MAGI2: variants seen among roughly 807,000 people sequenced by gnomAD.
The protein encoded by MAGI2 is membrane associated guanylate kinase, WW and PDZ domain containing 2.
Under a neutral mutation model 133.3 loss-of-function variants are expected in MAGI2, and 35 were observed. The observed-to-expected ratio is 0.26, with a 90% confidence interval of 0.20 to 0.35. The LOEUF is 0.35. Among genes scored for constraint, MAGI2 ranks in the 10% least tolerant of loss-of-function variants. The pLI is 1.00. For synonymous variants in MAGI2, 729 were observed against 710.6 expected, an observed-to-expected ratio of 1.03 and a Z score of -0.41; for missense variants, 1,636 against 1,863.4, an observed-to-expected ratio of 0.88 and a Z score of 2.25.
intron 20 of MAGI2, among the ~76,000 whole-genome samples, chr7:78,083,414 G>GAC (rs1816255378): frequency 6.8e-6 from 1 of 147,602 alleles, no homozygotes; most frequent in Non-Finnish European, 1.5e-5. Flanking sequence ...GAGAGAGAGA[G>GAC]AGAGAGAGAG....
intron 2 of MAGI2, among the ~76,000 whole-genome samples, chr7:78,764,616 T>C (rs1824829501): frequency 6.6e-6 from 1 of 152,204 alleles, no homozygotes; most frequent in African/African-American, 2.4e-5. Context: ...TTATTGGTCA[T>C]AGTTTGCTTG....
chr7:78,309,305 G>A (rs754269313), intron 9 of MAGI2, among the ~76,000 whole-genome samples: 6 of 152,136 alleles, frequency 3.9e-5, no homozygotes, highest in Admixed American at 6.5e-5. Flanking sequence ...CATCAACAGT[G>A]GTTTGGATAA....
At chr7:78,722,929 T>C (rs1253894970) in intron 2 of MAGI2, among the ~76,000 whole-genome samples, 2 of 152,032 alleles carry the variant, frequency 1.3e-5, no homozygotes, top group African/African-American at 4.8e-5. Flanking sequence ...AATATAATCA[T>C]AGAATTATAG....
intron 6 of MAGI2, among the ~76,000 whole-genome samples, chr7:78,396,753 C>A (rs891123968): frequency 6.6e-6 from 1 of 151,996 alleles, no homozygotes; most frequent in Non-Finnish European, 1.5e-5. Flanking sequence ...ATATAAAATG[C>A]TATAAAATGA....
chr7:78,511,147 T>C (rs2150556353), intron 4 of MAGI2, among the ~76,000 whole-genome samples: 1 of 152,318 alleles, frequency 6.6e-6, no homozygotes, highest in Admixed American at 6.5e-5. Context: ...AACTACAGGC[T>C]CTTGTAAATA....
chr7:79,437,871 T>C (rs1848249523), intron 1 of MAGI2, among the ~76,000 whole-genome samples: 1 of 152,170 alleles, frequency 6.6e-6, no homozygotes, highest in Non-Finnish European at 1.5e-5. Context: ...TCTGTATATA[T>C]GATGAATCAA....
intron 20 of MAGI2, among the ~76,000 whole-genome samples, chr7:78,106,010 CCT>C (rs1304675047): frequency 6.6e-6 from 1 of 152,000 alleles, no homozygotes; most frequent in Non-Finnish European, 1.5e-5. Flanking sequence ...CCCCCTTCTG[CCT>C]GCTTCACTTC....
intron 2 of MAGI2, among the ~76,000 whole-genome samples, chr7:78,858,950 G>C (rs1032217392): frequency 6.6e-6 from 1 of 152,140 alleles, no homozygotes; most frequent in Non-Finnish European, 1.5e-5. Flanking sequence ...ATTTAGGATA[G>C]TTAGCTCTTC....
intron 7 of MAGI2, among the ~76,000 whole-genome samples, chr7:78,360,077 TA>T (rs1277163082): frequency 6.6e-6 from 1 of 152,218 alleles, no homozygotes; most frequent in Non-Finnish European, 1.5e-5. Flanking sequence ...TAATGTATTT[TA>T]CCCAGTTAGG....
intron 9 of MAGI2, among the ~76,000 whole-genome samples, chr7:78,306,312 C>G (rs1409244245): frequency 6.6e-6 from 1 of 152,132 alleles, no homozygotes; most frequent in Non-Finnish European, 1.5e-5. Context: ...CAAAGCATGT[C>G]AGATGGTATA....
chr7:78,075,216 G>A (rs1158695456), intron 21 of MAGI2, among the ~76,000 whole-genome samples: 3 of 152,064 alleles, frequency 2.0e-5, no homozygotes, highest in South Asian at 2.1e-4. Flanking sequence ...TCACACATAC[G>A]TTGCTGCATT....
intron 1 of MAGI2, among the ~76,000 whole-genome samples, chr7:79,359,297 T>C (rs2129120322): frequency 6.6e-6 from 1 of 152,078 alleles, no homozygotes; most frequent in Non-Finnish European, 1.5e-5. Flanking sequence ...CATCCAAAAC[T>C]AAACAGTAGA....
intron 2 of MAGI2, among the ~76,000 whole-genome samples, chr7:78,655,572 C>T (rs564309901): frequency 7.3e-6 from 1 of 136,358 alleles, no homozygotes; most frequent in South Asian, 2.4e-4. Context: ...GGCGGCATCA[C>T]CAGAAGGGAA....
intron 6 of MAGI2, chr7:78,487,517 G>C (rs565678969): frequency 2.0e-5 from 3 of 152,130 alleles, no homozygotes; most frequent in African/African-American, 7.2e-5. Flanking sequence ...CACAGTGAGC[G>C]CAAAGAAACT....
chr7:78,870,835 G>A (rs1182245247), intron 2 of MAGI2, among the ~76,000 whole-genome samples: 6 of 152,002 alleles, frequency 3.9e-5, no homozygotes, highest in East Asian at 1.9e-4. Flanking sequence ...AAGAAAATAC[G>A]GTATATATAC....
chr7:78,935,818 T>C (rs114937659), intron 2 of MAGI2, among the ~76,000 whole-genome samples: 1,673 of 152,156 alleles, frequency 0.011, 21 homozygotes, highest in African/African-American at 0.031. Flanking sequence ...AGGAGACCAT[T>C]AGCTTTGAGT....
At chr7:78,089,335 C>T (rs1030772548) in intron 20 of MAGI2, among the ~76,000 whole-genome samples, 1 of 152,164 alleles carries the variant, frequency 6.6e-6, no homozygotes, top group Non-Finnish European at 1.5e-5. Flanking sequence ...AGCCATCATT[C>T]CCCCAGAGTA....
chr7:78,963,422 T>A (rs148907406), intron 2 of MAGI2, among the ~76,000 whole-genome samples: 42 of 152,184 alleles, frequency 2.8e-4, no homozygotes, highest in African/African-American at 9.6e-4. Flanking sequence ...AAAATAAACA[T>A]CCTCAAAACA....
At chr7:79,133,092 G>A (rs1234356732) in intron 1 of MAGI2, among the ~76,000 whole-genome samples, 2 of 152,090 alleles carry the variant, frequency 1.3e-5, no homozygotes, top group African/African-American at 4.8e-5. Context: ...CTTCCTTTCT[G>A]TGGGTTGTCT....
Sources: gnomAD v4.1 joint callset for allele counts (sites outside exome capture counted in the v4.1 genomes callset) on GRCh38, gnomAD v4.1.1 for gene constraint, MANE v1.5 for transcripts, NCBI Gene and HGNC (gene_info 2026-07-23, HGNC 2026-07-21) for gene names.